The following PRIMA1 variants were observed in gnomAD, a reference collection of about 807,000 sequenced individuals.
PRIMA1 encodes proline rich membrane anchor 1.
PRIMA1 carries 7 observed loss-of-function variants against 17.5 expected under a neutral mutation model. The ratio of observed to expected loss-of-function variants is 0.40; its 90% CI spans 0.23 to 0.75. PRIMA1 has a LOEUF of 0.75. PRIMA1 is among the 30% of genes least tolerant of loss of function. The pLI is 0.37. For synonymous variants in PRIMA1, 97 were observed against 77.9 expected (o/e 1.25, Z -1.29); for missense variants, 200 against 201.8 (o/e 0.99, Z 0.05).
intron 3 of PRIMA1, among the ~76,000 whole-genome samples, chr14:93,753,309 G>A (rs1046467664): frequency 6.6e-6 from 1 of 152,220 alleles, no homozygotes; most frequent in Non-Finnish European, 1.5e-5. Context: ...CAGGGTCCAA[G>A]AAGAAGCCAA....
chr14:93,762,790 G>C (rs1247928937), intron 3 of PRIMA1, among the ~76,000 whole-genome samples: 1 of 152,100 alleles, frequency 6.6e-6, no homozygotes, highest in African/African-American at 2.4e-5. Flanking sequence ...TGGGCCTGTA[G>C]GCCCCACTCC....
At chr14:93,759,399 AC>A in intron 3 of PRIMA1, among the ~76,000 whole-genome samples, 1 of 151,812 alleles carries the variant, frequency 6.6e-6, no homozygotes, top group East Asian at 1.9e-4. Flanking sequence ...CTGACTGAAA[AC>A]CACTGGTGGG....
At chr14:93,730,032 G>GA (rs893466841) in intron 4 of PRIMA1, among the ~76,000 whole-genome samples, 5 of 151,810 alleles carry the variant, frequency 3.3e-5, no homozygotes, top group East Asian at 3.9e-4. Flanking sequence ...CCCAGATAGA[G>GA]AAAAAAAATG....
intron 4 of PRIMA1, among the ~76,000 whole-genome samples, chr14:93,732,677 A>G (rs1288159778): frequency 1.3e-5 from 2 of 152,214 alleles, no homozygotes; most frequent in African/African-American, 4.8e-5. Flanking sequence ...TATACGTCCA[A>G]GAGGCTGAAT....
chr14:93,737,754 A>C (rs968863372), intron 3 of PRIMA1, among the ~76,000 whole-genome samples: 3 of 152,264 alleles, frequency 2.0e-5, no homozygotes, highest in African/African-American at 7.2e-5. Context: ...GCTGGCCCCC[A>C]GCCAGGCTGG....
At chr14:93,727,709 A>G (rs1255792810) in intron 4 of PRIMA1, among the ~76,000 whole-genome samples, 1 of 152,046 alleles carries the variant, frequency 6.6e-6, no homozygotes, top group Non-Finnish European at 1.5e-5. Context: ...ACAGGTGGGC[A>G]CAGGCAGACA....
At position 93,779,233 on chromosome 14, in the gene PRIMA1, G is replaced by GGA; in HGVS notation, c.171_172insTC (p.Pro58SerfsTer38). Reference sequence around the variant, plus strand: ...GGTGGGGGCGGCGGGGGCAGCGGGGGAGGGGGCCGGCACTGGCAGACGTGT... The same window carrying GGA: ...GGTGGGGGCGGCGGGGGCAGCGGGGGGAAGGGGGCCGGCACTGGCAGACGTGT... On this transcript the variant is annotated frameshift_variant, in exon 3 of 5. Transcript: ENST00000393140. LOFTEE classifies it high-confidence loss of function. 9.1e-7 allele frequency: 1 copy of GGA among 1,094,124 alleles called. No individual in the cohort carries two copies. Among genetic ancestry groups the GGA allele is most frequent in the Non-Finnish European group, 1.3e-6 (1 of 775,666 alleles). The allele number at this position is 1,094,124 out of a possible 1,614,324, so 67.8% of individuals were successfully genotyped here. A position where few individuals can be genotyped will look rare whatever the true frequency, so the allele number is the denominator to read the frequency against.
chr14:93,734,438 A>G (rs8008086), intron 4 of PRIMA1, among the ~76,000 whole-genome samples: 111,706 of 151,990 alleles, frequency 0.73, 41,253 homozygotes, highest in Middle Eastern at 0.86. Flanking sequence ...TCCAACCGCA[A>G]CTCCTGCTAG....
intron 4 of PRIMA1, among the ~76,000 whole-genome samples, chr14:93,723,245 C>G (rs1427127185): frequency 6.6e-6 from 1 of 152,148 alleles, no homozygotes; most frequent in Non-Finnish European, 1.5e-5. Context: ...AGGGTTGAGC[C>G]CGGATCTGCC....
intron 3 of PRIMA1, among the ~76,000 whole-genome samples, chr14:93,772,035 T>C (rs1393934811): frequency 1.3e-5 from 2 of 152,194 alleles, no homozygotes; most frequent in African/African-American, 2.4e-5. Context: ...ATACCACCTA[T>C]TACAAAGAAG....
intron 3 of PRIMA1, among the ~76,000 whole-genome samples, chr14:93,757,242 G>A (rs1682238757): frequency 6.6e-6 from 1 of 151,220 alleles, no homozygotes; most frequent in Admixed American, 6.6e-5. Context: ...AAGGAAGGAA[G>A]GAAGGGAGTC....
intron 2 of PRIMA1, among the ~76,000 whole-genome samples, chr14:93,783,699 C>T (rs1339982096): frequency 1.3e-5 from 2 of 152,226 alleles, no homozygotes; most frequent in Admixed American, 6.5e-5. Flanking sequence ...ATTTCACAAT[C>T]GTCTGCCTTC....
chr14:93,759,769 C>T (rs2076315567), intron 3 of PRIMA1, among the ~76,000 whole-genome samples: 1 of 152,178 alleles, frequency 6.6e-6, no homozygotes, highest in African/African-American at 2.4e-5. Flanking sequence ...TCCCCGGGAG[C>T]CCCACAGACC....
intron 3 of PRIMA1, among the ~76,000 whole-genome samples, chr14:93,768,477 T>C (rs1299499534): frequency 6.6e-6 from 1 of 152,116 alleles, no homozygotes; most frequent in Non-Finnish European, 1.5e-5. Flanking sequence ...TAAACTCCCG[T>C]CTAGGGTGGG....
intron 3 of PRIMA1, 121 bp downstream of exon 3, chr14:93,779,055 C>T (rs1885304090): frequency 2.8e-6 from 2 of 703,392 alleles, no homozygotes; most frequent in Non-Finnish European, 4.6e-6. Flanking sequence ...TGGCTTCCCT[C>T]CTGCTTGGCC....
In PRIMA1 at chr14:93,726,842, C is replaced by T. The variant is rs745700915; in HGVS notation, c.360-5296G>A. Among the ~76,000 whole-genome samples, 4 of 152,096 alleles carry T rather than the reference C, an allele frequency of 2.6e-5. No individual in the cohort carries two copies. The highest frequency in any genetic ancestry group is 5.9e-5 in the Non-Finnish European group (4 of 68,004). Reference sequence around the variant, plus strand: ...CACAATATACACATACACACATGTCCCTACACACATATGCACACATACACA... The same window carrying T: ...CACAATATACACATACACACATGTCTCTACACACATATGCACACATACACA... On this transcript the variant is annotated intron_variant, in intron 4 of 4. Coordinates refer to ENST00000393140, the MANE Select transcript of PRIMA1 (RefSeq NM_178013.4). The surrounding 1 kb of genome is among the most constrained non-coding windows in gnomAD (Gnocchi z 4.2).
intron 4 of PRIMA1, among the ~76,000 whole-genome samples, chr14:93,736,020 CAG>C (rs1566965472): frequency 6.6e-6 from 1 of 152,158 alleles, no homozygotes; most frequent in Non-Finnish European, 1.5e-5. Flanking sequence ...AGCCGCTACC[CAG>C]AGTTACAGGG....
chr14:93,764,391 C>T (rs1864844974), intron 3 of PRIMA1, among the ~76,000 whole-genome samples: 1 of 151,708 alleles, frequency 6.6e-6, no homozygotes, highest in African/African-American at 2.4e-5. Flanking sequence ...CAGCCCCTCC[C>T]TGGGGATTGT....
intron 4 of PRIMA1, among the ~76,000 whole-genome samples, chr14:93,733,292 G>T (rs1227324386): frequency 1.3e-5 from 2 of 150,392 alleles, no homozygotes; most frequent in Admixed American, 1.3e-4. Context: ...CCAGTGCACA[G>T]GTGGGACTTG....
Sources: allele counts gnomAD v4.1 joint callset (sites outside exome capture counted in the v4.1 genomes callset), GRCh38; gene constraint gnomAD v4.1.1; non-coding constraint Gnocchi (gnomAD v3.1); transcripts MANE v1.5; gene names NCBI Gene and HGNC (gene_info 2026-07-23, HGNC 2026-07-21).